Variants in LRP1B observed in about 807,000 individuals in gnomAD.
LRP1B encodes low-density lipoprotein receptor-related protein 1B.
In LRP1B, 217 loss-of-function variants were observed where a neutral mutation model predicts 556.6. That is an observed-to-expected ratio of 0.39 (90% confidence interval 0.35 to 0.44). The LOEUF (loss-of-function observed/expected upper bound fraction) is 0.44. Among genes scored for constraint, LRP1B ranks in the 20% least tolerant of loss-of-function variants. The pLI, the probability that LRP1B is intolerant of heterozygous loss-of-function variation, is 1.00. For missense variants in LRP1B, 5,053 were observed against 5,620.8 expected, an observed-to-expected ratio of 0.90 and a Z score of 3.23; for synonymous variants, 2,047 against 1,865.8, an observed-to-expected ratio of 1.10 and a Z score of -2.50.
At chr2:141,216,899 G>A (rs1023325012) in intron 6 of LRP1B, among the ~76,000 whole-genome samples, 1 of 152,024 alleles carries the variant, frequency 6.6e-6, no homozygotes, top group Non-Finnish European at 1.5e-5. Flanking sequence ...GAAATAACTT[G>A]CTTGATTTTA....
At chr2:141,400,996 T>C (rs1690431854) in intron 3 of LRP1B, among the ~76,000 whole-genome samples, 1 of 152,230 alleles carries the variant, frequency 6.6e-6, no homozygotes, top group African/African-American at 2.4e-5. Context: ...TTCTGTAACT[T>C]TGTTCATCTT....
intron 41 of LRP1B, among the ~76,000 whole-genome samples, chr2:140,685,069 C>G (rs986290788): frequency 6.6e-6 from 1 of 152,058 alleles, no homozygotes; most frequent in Non-Finnish European, 1.5e-5. Context: ...TGCAAATATT[C>G]AAAAAACACT....
intron 7 of LRP1B, among the ~76,000 whole-genome samples, chr2:141,121,022 T>C (rs1275732161): frequency 1.3e-5 from 2 of 152,044 alleles, no homozygotes; most frequent in African/African-American, 2.4e-5. Context: ...CTAAGCAATT[T>C]ATATATTTTA....
intron 84 of LRP1B, among the ~76,000 whole-genome samples, chr2:140,286,549 A>T (rs963302197): frequency 6.6e-6 from 1 of 151,908 alleles, no homozygotes; most frequent in African/African-American, 2.4e-5. Flanking sequence ...GGCATGCCAC[A>T]GAATTAGACT....
intron 45 of LRP1B, among the ~76,000 whole-genome samples, chr2:140,539,868 C>T (rs1680069407): frequency 6.6e-6 from 1 of 152,148 alleles, no homozygotes; most frequent in South Asian, 2.1e-4. Context: ...TGACCAATTG[C>T]ATCATTTTCT....
chr2:141,882,058 C>T (rs1228650750), intron 1 of LRP1B, among the ~76,000 whole-genome samples: 1 of 152,006 alleles, frequency 6.6e-6, no homozygotes, highest in Non-Finnish European at 1.5e-5. Context: ...TGTAGGGCCT[C>T]AAGAGATGTT....
At chr2:142,127,663 G>A (rs1045912378) in intron 1 of LRP1B, among the ~76,000 whole-genome samples, 9 of 151,878 alleles carry the variant, frequency 5.9e-5, no homozygotes, top group Non-Finnish European at 1.0e-4. Context: ...GACATAAATC[G>A]CAGTTCATTC....
chr2:142,122,125 G>A (rs2105013930), intron 1 of LRP1B, among the ~76,000 whole-genome samples: 1 of 152,168 alleles, frequency 6.6e-6, no homozygotes, highest in Middle Eastern at 3.4e-3. Flanking sequence ...GCAATTTTCT[G>A]TAAAACTCTG....
chr2:140,814,372 G>A (rs1691032847), intron 31 of LRP1B, among the ~76,000 whole-genome samples: 1 of 152,096 alleles, frequency 6.6e-6, no homozygotes, highest in Non-Finnish European at 1.5e-5. Context: ...GTGCCACCAA[G>A]AAATGACAGC....
intron 1 of LRP1B, among the ~76,000 whole-genome samples, chr2:142,129,588 C>CTT (rs1707777149): frequency 8.6e-4 from 2 of 2,334 alleles, no homozygotes; most frequent in Non-Finnish European, 2.6e-3. Context: ...CTCTCTTTCT[C>CTT]TCTCTCTCTC....
At chr2:140,399,044 T>C (rs1684378325) in intron 66 of LRP1B, among the ~76,000 whole-genome samples, 1 of 152,144 alleles carries the variant, frequency 6.6e-6, no homozygotes, top group South Asian at 2.1e-4. Context: ...AATGTGCTAA[T>C]GAGTCCGATT....
At chr2:141,603,784 C>T (rs945474810) in intron 2 of LRP1B, among the ~76,000 whole-genome samples, 1 of 152,112 alleles carries the variant, frequency 6.6e-6, no homozygotes, top group Non-Finnish European at 1.5e-5. Flanking sequence ...AGGTAAGTTT[C>T]TTCTCTCAAA....
Position 141,966,055 on chromosome 2 carries a change from A to C in LRP1B, c.83-155654T>G, listed in dbSNP as rs146879167. On this transcript the variant is annotated intron_variant, in intron 1 of 90. Coordinates refer to ENST00000389484, the MANE Select transcript of LRP1B (RefSeq NM_018557.3). ...ATCCAACTCCCATCTACTGAGTCTT[A>C]ACTCTTTTTCAAATTAGCATGCTCA... 6.8e-3 allele frequency among the ~76,000 whole-genome samples: 1,033 copies of C among 151,934 alleles called. 12 individuals carry two copies. The highest frequency in any genetic ancestry group is 0.027 in the Middle Eastern group (8 of 294).
chr2:140,477,869 A>G (rs1306923992), intron 59 of LRP1B, among the ~76,000 whole-genome samples: 1 of 152,068 alleles, frequency 6.6e-6, no homozygotes, highest in Non-Finnish European at 1.5e-5. Context: ...ACCTCTCCAA[A>G]TTACTCCCCA....
intron 2 of LRP1B, among the ~76,000 whole-genome samples, chr2:141,512,724 T>C (rs1209831313): frequency 2.0e-5 from 3 of 152,292 alleles, no homozygotes; most frequent in Middle Eastern, 3.4e-3. Flanking sequence ...GCACTGTTAC[T>C]TGCTCAAGAT....
At chr2:141,020,835 G>A (rs1380605016) in intron 11 of LRP1B, among the ~76,000 whole-genome samples, 10 of 151,982 alleles carry the variant, frequency 6.6e-5, no homozygotes, top group Admixed American at 6.6e-4. Context: ...ACTTCAAAGT[G>A]AAGGCAGTTA....
intron 18 of LRP1B, among the ~76,000 whole-genome samples, chr2:140,954,038 A>G (rs13023968): frequency 0.027 from 4,169 of 152,280 alleles, 66 homozygotes; most frequent in African/African-American, 0.033. Flanking sequence ...TTTGCAAAGG[A>G]GTACTTTCTT....
At chr2:140,872,553 T>A (rs1439966635) in intron 25 of LRP1B, among the ~76,000 whole-genome samples, 1 of 151,694 alleles carries the variant, frequency 6.6e-6, no homozygotes, top group Admixed American at 6.6e-5. Context: ...CAGGATTCAG[T>A]GTGGTCTCTA....
intron 18 of LRP1B, among the ~76,000 whole-genome samples, chr2:140,955,538 T>C (rs1333767414): frequency 1.3e-5 from 2 of 151,484 alleles, no homozygotes; most frequent in African/African-American, 4.8e-5. Flanking sequence ...GTTACAATTA[T>C]AGAAAGGAAA....
Sources: gnomAD v4.1 joint callset for allele counts (sites outside exome capture counted in the v4.1 genomes callset) on GRCh38, gnomAD v4.1.1 for gene constraint, MANE v1.5 for transcripts, NCBI Gene and HGNC (gene_info 2026-07-23, HGNC 2026-07-21) for gene names.